FGF12: variants seen among roughly 807,000 people sequenced by gnomAD.
FGF12 encodes fibroblast growth factor 12.
FGF12 carries 14 observed loss-of-function variants against 23.6 expected under a neutral mutation model. The observed-to-expected ratio is 0.59, with a 90% confidence interval of 0.39 to 0.93. The LOEUF (loss-of-function observed/expected upper bound fraction) is 0.93. Among genes scored for constraint, FGF12 ranks in the 40% least tolerant of loss-of-function variants. The pLI, the probability that FGF12 is intolerant of heterozygous loss-of-function variation, is 0.00. For missense variants in FGF12, 175 were observed against 217.8 expected (o/e 0.80, Z 1.24); for synonymous variants, 62 against 77.3 (o/e 0.80, Z 1.04).
intron 2 of FGF12, among the ~76,000 whole-genome samples, chr3:192,647,693 G>A (rs967917027): frequency 3.4e-5 from 5 of 145,838 alleles, no homozygotes; most frequent in African/African-American, 1.3e-4. Context: ...ACATATATAT[G>A]TATATATGTG....
intron 4 of FGF12, among the ~76,000 whole-genome samples, chr3:192,322,254 T>G (rs1328103263): frequency 6.6e-6 from 1 of 152,052 alleles, no homozygotes; most frequent in Non-Finnish European, 1.5e-5. Context: ...AGGAATTACC[T>G]TAACCAAAGA....
chr3:192,343,798 T>C (rs962019896), intron 3 of FGF12, among the ~76,000 whole-genome samples: 6 of 152,184 alleles, frequency 3.9e-5, no homozygotes, highest in Non-Finnish European at 7.3e-5. Context: ...AAACTAGGGA[T>C]TCATAGAATA....
At chr3:192,495,624 T>C (rs1404558006) in intron 2 of FGF12, among the ~76,000 whole-genome samples, 1 of 152,178 alleles carries the variant, frequency 6.6e-6, no homozygotes, top group Non-Finnish European at 1.5e-5. Flanking sequence ...GTTTTTAAAT[T>C]ACAGAGACAA....
chr3:192,327,281 T>G (rs752644586), intron 4 of FGF12, among the ~76,000 whole-genome samples: 9 of 152,224 alleles, frequency 5.9e-5, no homozygotes, highest in Non-Finnish European at 1.3e-4. Flanking sequence ...GTTACCATGA[T>G]TCTCATGGTT....
chr3:192,370,987 C>T (rs1719201378), intron 2 of FGF12, among the ~76,000 whole-genome samples: 1 of 152,206 alleles, frequency 6.6e-6, no homozygotes, highest in Non-Finnish European at 1.5e-5. Flanking sequence ...CAAATACCTT[C>T]TTGCCTTTTA....
chr3:192,643,425 G>C (rs1715878815), intron 2 of FGF12, among the ~76,000 whole-genome samples: 1 of 152,194 alleles, frequency 6.6e-6, no homozygotes, highest in Non-Finnish European at 1.5e-5. Context: ...TACATACACA[G>C]TGAATGTATC....
chr3:192,576,988 T>A (rs991821790), intron 2 of FGF12, among the ~76,000 whole-genome samples: 9 of 152,004 alleles, frequency 5.9e-5, no homozygotes, highest in Non-Finnish European at 1.2e-4. Context: ...GTCTCACTCA[T>A]AAGTGGGAAT....
chr3:192,554,366 G>A (rs1335339274), intron 2 of FGF12, among the ~76,000 whole-genome samples: 1 of 152,164 alleles, frequency 6.6e-6, no homozygotes, highest in Non-Finnish European at 1.5e-5. Context: ...GCCACTGAGA[G>A]CAAAAGAGAG....
rs78625662 is a variant in FGF12, at chr3:192,204,037, C to T, written c.229-33381G>A. 7.1e-3 allele frequency among the ~76,000 whole-genome samples: 1,073 copies of T among 151,968 alleles called. 12 individuals are homozygous for T. Among genetic ancestry groups the T allele is most frequent in the African/African-American group, 0.025 (1,017 of 41,444 alleles). On this transcript the variant is annotated intron_variant, in intron 4 of 5. Transcript: ENST00000445105. Reference sequence around the variant, plus strand: ...TCGTTAAAAAAAAAGCAAATCTGTCCGATTTATTAATTATGATTGTGTGAT... The same window carrying T: ...TCGTTAAAAAAAAAGCAAATCTGTCTGATTTATTAATTATGATTGTGTGAT...
rs1560091775 is a variant in FGF12, at chr3:192,378,072, T to TTCTCTCTCTC, written c.14-17535_14-17534insGAGAGAGAGA. 7.5e-5 allele frequency among the ~76,000 whole-genome samples: 9 copies of TTCTCTCTCTC among 119,332 alleles called. 2 individuals are homozygous for TTCTCTCTCTC. Among genetic ancestry groups the TTCTCTCTCTC allele is most frequent in the African/African-American group, 2.2e-4 (6 of 27,228 alleles). The allele number at this position is 119,332 out of a possible 152,430, so 78.3% of individuals were successfully genotyped here. ...TTTCTTTCTTTCTTTCTTTCTTTCT[T>TTCTCTCTCTC]TCTTTCTTTCTTTCTTTCTTTCTTC... On this transcript the variant is annotated intron_variant, in intron 2 of 5. Transcript: ENST00000445105.
chr3:192,375,790 T>C (rs1268206048), intron 2 of FGF12, among the ~76,000 whole-genome samples: 1 of 152,130 alleles, frequency 6.6e-6, no homozygotes, highest in Non-Finnish European at 1.5e-5. Context: ...TTATTGTAAT[T>C]AACTGGACAC....
chr3:192,158,364 TTCTTTCTTTCTTTCTTTCTTTTC>T (rs1714592207), intron 5 of FGF12, among the ~76,000 whole-genome samples: 1 of 108,300 alleles, frequency 9.2e-6, no homozygotes, highest in Admixed American at 9.7e-5. Context: ...CTTTCTTTCT[TTCTTTCTTTCTTTCTTTCTTTTC>T]TTTCTCTCTC....
At chr3:192,702,480 A>C (rs757299830) in intron 2 of FGF12, among the ~76,000 whole-genome samples, 1 of 152,182 alleles carries the variant, frequency 6.6e-6, no homozygotes, top group African/African-American at 2.4e-5. Context: ...AGAATGACTA[A>C]TAGGGTAATA....
intron 2 of FGF12, among the ~76,000 whole-genome samples, chr3:192,657,876 A>AT (rs1285140911): frequency 6.6e-6 from 1 of 152,176 alleles, no homozygotes; most frequent in Non-Finnish European, 1.5e-5. Flanking sequence ...CACTAATAAA[A>AT]TTTTCAGAAG....
In FGF12 at chr3:192,190,468, C is replaced by CTTTTTTTT. The variant is rs34108891; in HGVS notation, c.229-19820_229-19813dup. The stretch of plus-strand genomic sequence containing the variant: ...TCTGACAATCTGTAAGCCCAATACT[C>CTTTTTTTT]TTTTTTTTTTTTTTTTTTTTTTTTT... On this transcript the variant is annotated intron_variant, in intron 4 of 5. Coordinates refer to ENST00000445105, the MANE Select transcript of FGF12 (RefSeq NM_004113.6). Among the ~76,000 whole-genome samples, 81 of 89,132 alleles carry CTTTTTTTT rather than the reference C, an allele frequency of 9.1e-4. 1 individual carries two copies. The highest frequency in any genetic ancestry group is 9.6e-3 in the Middle Eastern group (1 of 104). The allele number at this position is 89,132 out of a possible 152,430, so 58.5% of individuals were successfully genotyped here. A position where few individuals can be genotyped will look rare whatever the true frequency, so the allele number is the denominator to read the frequency against.
rs143821867 is a variant in FGF12, at chr3:192,232,661, T to C, written c.229-62005A>G. On this transcript the variant is annotated intron_variant, in intron 4 of 5. Transcript: ENST00000445105. ...TGATTTTGTTACCCAGATAGTGGCA[T>C]AGTACTTGATAGGTAGTTTTTTTGA... is the stretch of plus-strand genomic sequence containing the variant. Among the ~76,000 whole-genome samples the C allele has an allele frequency of 2.5e-3, 373 of 152,172 alleles. 1 individual carries two copies. The highest frequency in any genetic ancestry group is 8.3e-3 in the African/African-American group (343 of 41,526).
At chr3:192,368,419 G>A (rs900732053) in intron 2 of FGF12, among the ~76,000 whole-genome samples, 1 of 152,134 alleles carries the variant, frequency 6.6e-6, no homozygotes, top group Non-Finnish European at 1.5e-5. Context: ...AGCATGCAAG[G>A]GATGGATGTG....
chr3:192,619,487 G>A (rs1239581602), intron 2 of FGF12, among the ~76,000 whole-genome samples: 4 of 152,052 alleles, frequency 2.6e-5, no homozygotes, highest in South Asian at 2.1e-4. Context: ...AGCTTCCCCC[G>A]AGCACCTCCT....
intron 4 of FGF12, among the ~76,000 whole-genome samples, chr3:192,186,362 C>T (rs1176890396): frequency 1.3e-5 from 2 of 152,164 alleles, no homozygotes; most frequent in Non-Finnish European, 2.9e-5. Context: ...CTACGTGGTG[C>T]CACCATCTTG....
Sources: gnomAD v4.1 joint callset for allele counts (sites outside exome capture counted in the v4.1 genomes callset) on GRCh38, gnomAD v4.1.1 for gene constraint, MANE v1.5 for transcripts, NCBI Gene and HGNC (gene_info 2026-07-23, HGNC 2026-07-21) for gene names.